The following EPB41L2 variants were observed in gnomAD, a reference collection of about 807,000 sequenced individuals.
EPB41L2 encodes the protein band 4.1-like protein 2.
EPB41L2 carries 43 observed loss-of-function variants against 113.0 expected under a neutral mutation model. That is an observed-to-expected ratio of 0.38 (90% CI 0.30 to 0.49). The LOEUF (loss-of-function observed/expected upper bound fraction) is 0.49, where lower values mean the gene tolerates loss of function less well. Ranked by LOEUF, EPB41L2 falls within the 20% of genes least tolerant of loss-of-function variation. EPB41L2 has a pLI of 0.95. For missense variants in EPB41L2, 1,147 were observed against 1,223.4 expected, an observed-to-expected ratio of 0.94 and a Z score of 0.93; for synonymous variants, 442 against 436.7, an observed-to-expected ratio of 1.01 and a Z score of -0.15.
intron 4 of EPB41L2, among the ~76,000 whole-genome samples, chr6:130,922,616 T>C (rs1041140999): frequency 5.3e-5 from 8 of 152,196 alleles, no homozygotes; most frequent in African/African-American, 1.9e-4. Flanking sequence ...TCTATAAGTG[T>C]AGTTAATAGT....
intron 19 of EPB41L2, among the ~76,000 whole-genome samples, chr6:130,851,130 C>A (rs1243142136): frequency 1.3e-5 from 2 of 152,148 alleles, no homozygotes; most frequent in African/African-American, 4.8e-5. Flanking sequence ...ACCTGATATG[C>A]CTGCAGAACT....
chr6:131,005,523 G>C (rs567108658), intron 1 of EPB41L2, among the ~76,000 whole-genome samples: 8 of 152,074 alleles, frequency 5.3e-5, no homozygotes, highest in Admixed American at 4.6e-4. Context: ...GGGAGTGTTG[G>C]GGGGAGCCAG....
chr6:131,051,523 T>C (rs1380682498), intron 1 of EPB41L2, among the ~76,000 whole-genome samples: 1 of 148,534 alleles, frequency 6.7e-6, no homozygotes, highest in African/African-American at 2.5e-5. Flanking sequence ...AGCAGATATG[T>C]CAACAAAATT....
intron 1 of EPB41L2, among the ~76,000 whole-genome samples, chr6:130,995,858 T>C (rs922863906): frequency 6.6e-6 from 1 of 152,238 alleles, no homozygotes; most frequent in Non-Finnish European, 1.5e-5. Flanking sequence ...AACGCTGTCA[T>C]ATCCTCCTTC....
chr6:130,929,627 C>T (rs752362042), intron 3 of EPB41L2, among the ~76,000 whole-genome samples: 5 of 152,000 alleles, frequency 3.3e-5, no homozygotes, highest in Non-Finnish European at 7.4e-5. Context: ...AATTTATATG[C>T]AACTGGCAGA....
At chr6:130,894,590 T>A in intron 9 of EPB41L2, 149 bp from the exon 10 acceptor site, 1 of 689,904 alleles carries the variant, frequency 1.4e-6, no homozygotes, top group Non-Finnish European at 2.4e-6. Flanking sequence ...CATATAAAGA[T>A]GAATTTCATA....
intron 3 of EPB41L2, among the ~76,000 whole-genome samples, chr6:130,949,658 G>T (rs192248969): frequency 6.6e-6 from 1 of 151,834 alleles, no homozygotes; most frequent in East Asian, 1.9e-4. Flanking sequence ...GGGATAGGAC[G>T]AGAAAATTAA....
chr6:130,887,625 T>A (rs1232968157), intron 11 of EPB41L2, among the ~76,000 whole-genome samples: 1 of 152,230 alleles, frequency 6.6e-6, no homozygotes. Context: ...CAGCTCTCCC[T>A]CACCTTATAG....
intron 3 of EPB41L2, among the ~76,000 whole-genome samples, chr6:130,952,758 C>T (rs1213084631): frequency 1.3e-5 from 2 of 151,028 alleles, no homozygotes; most frequent in South Asian, 2.1e-4. Flanking sequence ...TGCAGTGAGC[C>T]GAGATCGTGC....
intron 14 of EPB41L2, among the ~76,000 whole-genome samples, chr6:130,872,806 C>T (rs1571911): frequency 0.77 from 117,402 of 152,032 alleles, 45,900 homozygotes; most frequent in East Asian, 1. Context: ...CTGAGCACAA[C>T]CGACCCACCC....
chr6:130,951,312 C>CTTTTTTTTTTTTT (rs34082234), intron 3 of EPB41L2, among the ~76,000 whole-genome samples: 3 of 50,818 alleles, frequency 5.9e-5, no homozygotes, highest in African/African-American at 2.7e-4. Context: ...AGCCTCAGTA[C>CTTTTTTTTTTTTT]TTTTTTTTTT....
intron 1 of EPB41L2, among the ~76,000 whole-genome samples, chr6:131,027,532 T>C (rs957148785): frequency 3.9e-5 from 6 of 152,208 alleles, no homozygotes; most frequent in African/African-American, 1.4e-4. Flanking sequence ...CTCACAAACC[T>C]GCAGAGACTC....
chr6:130,892,321 G>A (rs1274627964), intron 10 of EPB41L2, among the ~76,000 whole-genome samples: 2 of 140,248 alleles, frequency 1.4e-5, no homozygotes, highest in South Asian at 2.4e-4. Flanking sequence ...AATAGACCAC[G>A]ATATAAAGCA....
chr6:130,941,162 T>C (rs1810742026), intron 3 of EPB41L2, among the ~76,000 whole-genome samples: 2 of 152,198 alleles, frequency 1.3e-5, no homozygotes, highest in African/African-American at 2.4e-5. Context: ...TGTGAAAATA[T>C]GACTTCCTTA....
At chr6:130,994,423 GA>G (rs1305359493) in intron 1 of EPB41L2, among the ~76,000 whole-genome samples, 1 of 152,076 alleles carries the variant, frequency 6.6e-6, no homozygotes, top group Non-Finnish European at 1.5e-5. Context: ...GTGTCCTGGG[GA>G]AAACCTAACG....
intron 1 of EPB41L2, among the ~76,000 whole-genome samples, chr6:131,012,282 C>G (rs189571864): frequency 6.6e-6 from 1 of 150,926 alleles, no homozygotes; most frequent in Admixed American, 6.6e-5. Context: ...GAGCTTCTAA[C>G]GGATTAGATT....
At chr6:131,042,360 G>A (rs1352361439) in intron 1 of EPB41L2, among the ~76,000 whole-genome samples, 3 of 152,074 alleles carry the variant, frequency 2.0e-5, no homozygotes, top group Non-Finnish European at 4.4e-5. Context: ...TACACTACAA[G>A]CCTGATACAA....
At chr6:130,913,499 C>A (rs928297197) in intron 4 of EPB41L2, among the ~76,000 whole-genome samples, 8 of 152,148 alleles carry the variant, frequency 5.3e-5, no homozygotes, top group Admixed American at 1.3e-4. Flanking sequence ...TTTATATCTT[C>A]CAGGGTACTT....
At position 130,870,349 on chromosome 6, in the gene EPB41L2, A is replaced by C. The variant is rs548462403; in HGVS notation, c.2044-223T>G. 59 of 1,550,694 alleles carry C rather than the reference A, an allele frequency of 3.8e-5. 1 individual carries two copies. In the South Asian group the frequency reaches 6.8e-4, roughly 18 times the overall value. On this transcript the variant is annotated intron_variant, in intron 14 of 19. Coordinates refer to ENST00000337057, the MANE Select transcript of EPB41L2 (RefSeq NM_001431.4). ...GAACCTTAACAGCATCCCTGGCTCC[A>C]GTGCAAGGCCCTTCTGACTCGGGAG... is the stretch of plus-strand genomic sequence containing the variant.
Sources: gnomAD v4.1 joint callset for allele counts (sites outside exome capture counted in the v4.1 genomes callset) on GRCh38, gnomAD v4.1.1 for gene constraint, MANE v1.5 for transcripts, NCBI Gene and HGNC (gene_info 2026-07-23, HGNC 2026-07-21) for gene names.